C12orf54: variants seen among roughly 807,000 people sequenced by gnomAD.
C12orf54 encodes uncharacterized protein C12orf54.
In C12orf54, 24 loss-of-function variants were observed where a neutral mutation model predicts 26.4. The ratio of observed to expected loss-of-function variants is 0.91; its 90% CI spans 0.66 to 1.28. C12orf54 has a LOEUF of 1.28. Ranked by LOEUF, C12orf54 falls within the 50% of genes most tolerant of loss-of-function variation. The pLI, the probability that C12orf54 is intolerant of heterozygous loss-of-function variation, is 0.00. For synonymous variants in C12orf54, 54 were observed against 47.0 expected (o/e 1.15, Z -0.61); for missense variants, 154 against 150.9 (o/e 1.02, Z -0.11).
the C12orf54 span, among the ~76,000 whole-genome samples, chr12:48,466,503 C>A: frequency 6.6e-6 from 1 of 151,144 alleles, no homozygotes; most frequent in African/African-American, 2.4e-5. Context: ...CAAGATCGAG[C>A]CATTGCACTC....
intron 5 of C12orf54, 33 bp from the exon 6 acceptor site, chr12:48,490,779 A>T: frequency 6.2e-7 from 1 of 1,612,910 alleles, no homozygotes; most frequent in Non-Finnish European, 8.5e-7. Flanking sequence ...ACCAGCCCCC[A>T]TCATCTCTGA....
the C12orf54 span, among the ~76,000 whole-genome samples, chr12:48,447,047 C>A: frequency 1.3e-3 from 200 of 152,200 alleles, no homozygotes; most frequent in African/African-American, 4.7e-3. Flanking sequence ...CACCTTAATT[C>A]TTAAAGGATT....
chr12:48,442,090 G>A, the C12orf54 span: 318 of 153,542 alleles, frequency 2.1e-3, 1 homozygote, highest in Non-Finnish European at 3.8e-3. Context: ...TCTTCAGGCT[G>A]TAAATGAGGA....
chr12:48,466,651 G>C, the C12orf54 span, among the ~76,000 whole-genome samples: 1 of 152,028 alleles, frequency 6.6e-6, no homozygotes, highest in East Asian at 1.9e-4. Flanking sequence ...CACCTATTAG[G>C]ATATTTAAAA....
chr12:48,473,467 G>A, the C12orf54 span: 743 of 497,634 alleles, frequency 1.5e-3, 1 homozygote, highest in Non-Finnish European at 2.2e-3. Context: ...GTTTTTAGCC[G>A]TATCCCCTCC....
At chr12:48,454,035 G>A in the C12orf54 span, among the ~76,000 whole-genome samples, 2 of 151,652 alleles carry the variant, frequency 1.3e-5, no homozygotes, top group Admixed American at 1.3e-4. Flanking sequence ...ATAAATCAGG[G>A]GCTCTAAATT....
chr12:48,475,680 A>G, the C12orf54 span, among the ~76,000 whole-genome samples: 2 of 152,242 alleles, frequency 1.3e-5, no homozygotes, highest in Non-Finnish European at 2.9e-5. Context: ...ATGAAGCAAG[A>G]AGAGAAGTTT....
In C12orf54 at chr12:48,490,846, C is replaced by G; in HGVS notation, c.193+10C>G. On this transcript the variant is annotated intron_variant, in intron 6 of 8. Coordinates refer to ENST00000548364, the MANE Select transcript of C12orf54 (RefSeq NM_152319.4). ...GATGCTCGGATTCGAGGTAAAACAG[C>G]ACCATTCCAAGGTTTGGAAAAGGAA... 1 of 1,612,920 alleles carries G rather than the reference C, an allele frequency of 6.2e-7. No homozygotes were observed. The highest frequency in any genetic ancestry group is 8.5e-7 in the Non-Finnish European group (1 of 1,178,968).
At chr12:48,414,343 C>T in the C12orf54 span, among the ~76,000 whole-genome samples, 1,104 of 152,320 alleles carry the variant, frequency 7.2e-3, 20 homozygotes, top group African/African-American at 0.025. Flanking sequence ...ATGTGGGGTG[C>T]TCAAAGAACT....
At chr12:48,431,151 G>A in the C12orf54 span, among the ~76,000 whole-genome samples, 1 of 152,144 alleles carries the variant, frequency 6.6e-6, no homozygotes, top group African/African-American at 2.4e-5. Context: ...TTGTGGGGAA[G>A]GGTGGTGGGG....
At chr12:48,464,465 G>A in the C12orf54 span, among the ~76,000 whole-genome samples, 1 of 152,156 alleles carries the variant, frequency 6.6e-6, no homozygotes, top group South Asian at 2.1e-4. Flanking sequence ...TCATGGATAG[G>A]AAGAATCAAT....
upstream of C12orf54, among the ~76,000 whole-genome samples, chr12:48,478,747 C>CA (rs926079943): frequency 6.6e-6 from 1 of 152,010 alleles, no homozygotes; most frequent in Admixed American, 6.6e-5. Context: ...TTTATGCAGC[C>CA]AAAAAACACA....
At chr12:48,434,192 C>G in the C12orf54 span, among the ~76,000 whole-genome samples, 1 of 152,172 alleles carries the variant, frequency 6.6e-6, no homozygotes, top group African/African-American at 2.4e-5. Context: ...GATCAAGCAG[C>G]AAAGCGGCAG....
the C12orf54 span, among the ~76,000 whole-genome samples, chr12:48,470,122 T>C: frequency 6.6e-6 from 1 of 152,244 alleles, no homozygotes; most frequent in Non-Finnish European, 1.5e-5. Flanking sequence ...TGATTCCATG[T>C]CTTTACTACT....
At chr12:48,424,236 G>C in the C12orf54 span, among the ~76,000 whole-genome samples, 2 of 152,004 alleles carry the variant, frequency 1.3e-5, no homozygotes, top group Admixed American at 1.3e-4. Flanking sequence ...AATATTGCTG[G>C]ATTTCACTTG....
chr12:48,453,219 T>C, the C12orf54 span, among the ~76,000 whole-genome samples: 475 of 152,200 alleles, frequency 3.1e-3, 2 homozygotes, highest in African/African-American at 0.011. Context: ...CCATTATCCT[T>C]AGCAAACTAA....
chr12:48,461,626 A>T, the C12orf54 span, among the ~76,000 whole-genome samples: 1 of 151,808 alleles, frequency 6.6e-6, no homozygotes, highest in Non-Finnish European at 1.5e-5. Flanking sequence ...CGTATATCTC[A>T]ATAATTTAAA....
intron 2 of C12orf54, among the ~76,000 whole-genome samples, chr12:48,485,059 CTTT>C (rs1954242647): frequency 6.6e-6 from 1 of 151,936 alleles, no homozygotes; most frequent in African/African-American, 2.4e-5. Flanking sequence ...GGCTCAATGT[CTTT>C]TTATTTTTAT....
chr12:48,457,337 G>C, the C12orf54 span, among the ~76,000 whole-genome samples: 5 of 151,442 alleles, frequency 3.3e-5, no homozygotes, highest in Non-Finnish European at 7.4e-5. Context: ...TAGTTTTTTT[G>C]TTTGTTTGTT....
Sources: gnomAD v4.1 joint callset for allele counts (sites outside exome capture counted in the v4.1 genomes callset) on GRCh38, gnomAD v4.1.1 for gene constraint, MANE v1.5 for transcripts, NCBI Gene and HGNC (gene_info 2026-07-23, HGNC 2026-07-21) for gene names.